ADAMTSL1: variants seen among roughly 807,000 people sequenced by gnomAD.
ADAMTSL1 encodes the protein ADAMTS like 1.
Under a neutral mutation model 201.8 loss-of-function variants are expected in ADAMTSL1, and 126 were observed. The ratio of observed to expected loss-of-function variants is 0.62; its 90% CI spans 0.54 to 0.72. ADAMTSL1 has a LOEUF of 0.72. ADAMTSL1 is among the 30% of genes least tolerant of loss of function. ADAMTSL1 has a pLI of 0.00. For synonymous variants in ADAMTSL1, 1,121 were observed against 903.4 expected (o/e 1.24, Z -4.32); for missense variants, 2,679 against 2,277.8 (o/e 1.18, Z -3.59).
chr9:18,596,935 A>G (rs1824301117), intron 4 of ADAMTSL1, among the ~76,000 whole-genome samples: 1 of 152,120 alleles, frequency 6.6e-6, no homozygotes, highest in African/African-American at 2.4e-5. Flanking sequence ...CTCCTAGGGG[A>G]ATTAATATTC....
chr9:18,377,727 C>A (rs10963589), intron 2 of ADAMTSL1, among the ~76,000 whole-genome samples: 1 of 151,934 alleles, frequency 6.6e-6, no homozygotes, highest in African/African-American at 2.4e-5. Flanking sequence ...CCACCACGCC[C>A]GGTTAATTTT....
intron 1 of ADAMTSL1, among the ~76,000 whole-genome samples, chr9:17,975,731 T>TACCC (rs1265644415): frequency 6.6e-6 from 1 of 152,068 alleles, no homozygotes; most frequent in East Asian, 1.9e-4. Context: ...GTTTGACATA[T>TACCC]ACCCACTTGT....
chr9:18,872,927 A>G (rs989576194), intron 23 of ADAMTSL1, among the ~76,000 whole-genome samples: 1 of 152,180 alleles, frequency 6.6e-6, no homozygotes, highest in Non-Finnish European at 1.5e-5. Context: ...ACTGTTTTCC[A>G]TAGTTCCACC....
chr9:18,163,263 C>G (rs939421112), intron 1 of ADAMTSL1, among the ~76,000 whole-genome samples: 1 of 151,958 alleles, frequency 6.6e-6, no homozygotes, highest in East Asian at 1.9e-4. Flanking sequence ...TGGCTGATAA[C>G]AGACACCTCT....
At position 17,932,598 on chromosome 9, in the gene ADAMTSL1, C is replaced by T. The variant is rs370687609; in HGVS notation, c.87+25676C>T. ...TTAGTTTCTTGGGTGATTTCTGAAG[C>T]TGAGACTTTGGAAAAGATGACAGGA... On this transcript the variant is annotated intron_variant, in intron 1 of 29. Transcript: ENST00000680146. 1.2e-4 allele frequency among the ~76,000 whole-genome samples: 19 copies of T among 152,206 alleles called. 1 individual carries two copies. In the South Asian group the frequency reaches 3.7e-3, roughly 30 times the overall value.
At chr9:18,779,912 T>C (rs950616945) in intron 19 of ADAMTSL1, among the ~76,000 whole-genome samples, 3 of 152,176 alleles carry the variant, frequency 2.0e-5, no homozygotes, top group African/African-American at 7.2e-5. Context: ...TGCCTGGGAT[T>C]GGTACTATTG....
intron 3 of ADAMTSL1, among the ~76,000 whole-genome samples, chr9:18,558,660 C>T (rs759899262): frequency 7.2e-5 from 11 of 152,294 alleles, no homozygotes; most frequent in Non-Finnish European, 1.5e-4. Context: ...TCCACATCCT[C>T]TCCAGCATCT....
chr9:18,285,050 G>T (rs2132647991), intron 2 of ADAMTSL1, among the ~76,000 whole-genome samples: 1 of 152,164 alleles, frequency 6.6e-6, no homozygotes, highest in African/African-American at 2.4e-5. Context: ...TTTTCTTAGG[G>T]TAAATCCCTA....
intron 1 of ADAMTSL1, among the ~76,000 whole-genome samples, chr9:18,132,354 G>T (rs1250749358): frequency 6.6e-6 from 1 of 152,100 alleles, no homozygotes; most frequent in Non-Finnish European, 1.5e-5. Flanking sequence ...GTGGCGTTAA[G>T]TACATTCACA....
At chr9:18,551,101 A>T (rs1209793479) in intron 3 of ADAMTSL1, among the ~76,000 whole-genome samples, 1 of 151,952 alleles carries the variant, frequency 6.6e-6, no homozygotes, top group Non-Finnish European at 1.5e-5. Flanking sequence ...AAAGGATGGT[A>T]GACAAAAAAT....
chr9:18,085,131 A>T (rs1246494857), intron 1 of ADAMTSL1, among the ~76,000 whole-genome samples: 1 of 152,044 alleles, frequency 6.6e-6, no homozygotes, highest in Non-Finnish European at 1.5e-5. Flanking sequence ...CTGAACATGG[A>T]AATTAATAGG....
chr9:18,643,893 G>T (rs139024333), intron 7 of ADAMTSL1, among the ~76,000 whole-genome samples: 6,560 of 150,328 alleles, frequency 0.044, 190 homozygotes, highest in South Asian at 0.087. Flanking sequence ...GAATTTTAGG[G>T]TTTTTTTTTC....
intron 2 of ADAMTSL1, among the ~76,000 whole-genome samples, chr9:18,334,357 G>A (rs1835145616): frequency 6.6e-6 from 1 of 152,124 alleles, no homozygotes; most frequent in Admixed American, 6.6e-5. Context: ...GCAAATGCTT[G>A]TGCATATACA....
intron 1 of ADAMTSL1, among the ~76,000 whole-genome samples, chr9:17,996,233 T>G (rs571716929): frequency 6.6e-6 from 1 of 151,944 alleles, no homozygotes; most frequent in Admixed American, 6.6e-5. Context: ...TCCACCCACC[T>G]CCTGCCACCA....
intron 1 of ADAMTSL1, among the ~76,000 whole-genome samples, chr9:17,983,072 C>T (rs146508976): frequency 0.74 from 74,041 of 99,452 alleles, 26,724 homozygotes; most frequent in East Asian, 0.92. Context: ...TTCTTTCTTT[C>T]TTTCTTTTTT....
At chr9:18,255,494 TTAACTTC>T (rs1831649149) in intron 2 of ADAMTSL1, among the ~76,000 whole-genome samples, 1 of 152,224 alleles carries the variant, frequency 6.6e-6, no homozygotes, top group African/African-American at 2.4e-5. Flanking sequence ...GCTACTTATG[TTAACTTC>T]TAGAAAAGCT....
At chr9:18,799,723 A>C (rs1462806886) in intron 20 of ADAMTSL1, among the ~76,000 whole-genome samples, 1 of 151,854 alleles carries the variant, frequency 6.6e-6, no homozygotes, top group East Asian at 1.9e-4. Flanking sequence ...AGAGACAGAA[A>C]ATATTTCTCC....
chr9:18,776,740 C>T (rs1182524082), intron 18 of ADAMTSL1, 41 bp from the exon 19 acceptor site: 1 of 1,502,492 alleles, frequency 6.7e-7, no homozygotes, highest in Non-Finnish European at 8.9e-7. Flanking sequence ...TTCTCTCTCC[C>T]CACCTCTTTC....
At chr9:18,102,293 T>C (rs1564001541) in intron 1 of ADAMTSL1, among the ~76,000 whole-genome samples, 2 of 152,220 alleles carry the variant, frequency 1.3e-5, no homozygotes, top group East Asian at 3.8e-4. Flanking sequence ...ATTTATTTTA[T>C]TTATAAAGTG....
Sources: allele counts gnomAD v4.1 joint callset (sites outside exome capture counted in the v4.1 genomes callset), GRCh38; gene constraint gnomAD v4.1.1; transcripts MANE v1.5; gene names NCBI Gene and HGNC (gene_info 2026-07-23, HGNC 2026-07-21).